CPEB1: variants seen among roughly 807,000 people sequenced by gnomAD.
CPEB1 encodes cytoplasmic polyadenylation element-binding protein 1.
CPEB1 carries 7 observed loss-of-function variants against 65.8 expected under a neutral mutation model. That is an observed-to-expected ratio of 0.11 (90% CI 0.06 to 0.20). CPEB1 has a LOEUF of 0.20. Ranked by LOEUF, CPEB1 falls within the 10% of genes least tolerant of loss-of-function variation. CPEB1 has a pLI of 1.00. For missense variants in CPEB1, 551 were observed against 712.2 expected, an observed-to-expected ratio of 0.77 and a Z score of 2.58; for synonymous variants, 262 against 260.0, an observed-to-expected ratio of 1.01 and a Z score of -0.08.
At chr15:82,603,725 A>T (rs1374962365) in intron 3 of CPEB1, among the ~76,000 whole-genome samples, 1 of 152,184 alleles carries the variant, frequency 6.6e-6, no homozygotes, top group African/African-American at 2.4e-5. Flanking sequence ...GTTTCTGTCC[A>T]TCATTAGCCG....
chr15:82,617,232 C>T (rs1235677454), intron 3 of CPEB1, among the ~76,000 whole-genome samples: 3 of 152,210 alleles, frequency 2.0e-5, no homozygotes, highest in African/African-American at 7.2e-5. Context: ...GTTGTAGTAG[C>T]AACAATAGTT....
chr15:82,644,844 C>A (rs1483031196), intron 1 of CPEB1, among the ~76,000 whole-genome samples: 1 of 152,206 alleles, frequency 6.6e-6, no homozygotes, highest in Non-Finnish European at 1.5e-5. Flanking sequence ...ATTAAGGCAG[C>A]TATTATCATT....
intron 3 of CPEB1, among the ~76,000 whole-genome samples, chr15:82,598,066 A>G (rs2042799731): frequency 6.6e-6 from 1 of 152,252 alleles, no homozygotes; most frequent in Non-Finnish European, 1.5e-5. Flanking sequence ...ATGAGACTAC[A>G]TATCCAGAAG....
intron 3 of CPEB1, among the ~76,000 whole-genome samples, chr15:82,594,479 GC>G (rs1300506278): frequency 6.6e-6 from 1 of 152,148 alleles, no homozygotes; most frequent in African/African-American, 2.4e-5. Context: ...GAGTGTTAGG[GC>G]CTTCCTCTGG....
chr15:82,627,147 A>G, intron 3 of CPEB1, 46 bp downstream of exon 3: 1 of 1,523,160 alleles, frequency 6.6e-7, no homozygotes, highest in Non-Finnish European at 9.0e-7. Flanking sequence ...TTAGAAGCAG[A>G]TCTGTACAGA....
intron 3 of CPEB1, among the ~76,000 whole-genome samples, chr15:82,604,175 TCCA>T (rs2043355613): frequency 6.6e-6 from 1 of 151,972 alleles, no homozygotes; most frequent in Non-Finnish European, 1.5e-5. Flanking sequence ...ATAGCAAGGC[TCCA>T]TTGCTACAAA....
chr15:82,605,061 G>T (rs1191770340), intron 3 of CPEB1, among the ~76,000 whole-genome samples: 1 of 152,172 alleles, frequency 6.6e-6, no homozygotes, highest in Non-Finnish European at 1.5e-5. Flanking sequence ...TTTCTTACCA[G>T]AAATTGTGGA....
At position 82,557,973 on chromosome 15, in the gene CPEB1, G is replaced by A. The variant is rs778949699; in HGVS notation, c.474C>T (p.Leu158=). 64 of 1,610,334 alleles carry A rather than the reference G, an allele frequency of 4.0e-5. No individual in the cohort carries two copies. The highest frequency in any genetic ancestry group is 4.9e-5 in the Non-Finnish European group (58 of 1,178,014). The change falls in exon 5 of 13, where the codon CTC becomes CTT. Residue 158 remains leucine, a synonymous_variant. Transcript: ENST00000684509. ...CTAGGACATTTCCCAGTGGGTTATG[G>A]AGCATGCTCAGTACTAGGAGGACAA... ...QSSTHSVLSM[L]HNPLGNVLGK... is the part of the protein sequence containing the mutation.
At position 82,627,190 on chromosome 15, in the gene CPEB1, C is replaced by A; in HGVS notation, c.271+3G>T. The A allele has an allele frequency of 6.2e-7, 1 of 1,608,874 alleles. No individual in the cohort carries two copies. The highest frequency in any genetic ancestry group is 1.1e-5 in the South Asian group (1 of 89,848). ...CACGTTCAAGTTTTCAAACCTAAAT[C>A]ACCTGGCAAATGATCATGAATTCCT... On this transcript the variant is annotated splice_donor_region_variant and intron_variant, in intron 3 of 12. Transcript: ENST00000684509.
intron 9 of CPEB1, among the ~76,000 whole-genome samples, chr15:82,551,623 C>T (rs1324259947): frequency 6.6e-6 from 1 of 152,014 alleles, no homozygotes. Context: ...ATTTTAGTTT[C>T]CCATCTTATA....
chr15:82,646,785 G>C (rs1006414923), intron 1 of CPEB1, among the ~76,000 whole-genome samples: 2 of 152,122 alleles, frequency 1.3e-5, no homozygotes, highest in Non-Finnish European at 2.9e-5. Context: ...AAAAAGCCTC[G>C]GGGAATGACG....
chr15:82,644,058 C>T (rs1316766834), intron 1 of CPEB1, among the ~76,000 whole-genome samples: 1 of 152,196 alleles, frequency 6.6e-6, no homozygotes, highest in Non-Finnish European at 1.5e-5. Context: ...GTCACCCCCA[C>T]AGTGGGAGGA....
intron 3 of CPEB1, among the ~76,000 whole-genome samples, chr15:82,620,060 A>G (rs2045149512): frequency 6.6e-6 from 1 of 152,238 alleles, no homozygotes; most frequent in Non-Finnish European, 1.5e-5. Flanking sequence ...CTGTAAAGCA[A>G]CAGGAATCAA....
chr15:82,603,397 C>T (rs1041057629), intron 3 of CPEB1, among the ~76,000 whole-genome samples: 16 of 151,808 alleles, frequency 1.1e-4, no homozygotes, highest in Non-Finnish European at 1.5e-4. Flanking sequence ...ATTAAATATC[C>T]CAGGTGCCTG....
At chr15:82,587,539 T>G (rs937378965) in intron 3 of CPEB1, among the ~76,000 whole-genome samples, 1 of 152,164 alleles carries the variant, frequency 6.6e-6, no homozygotes, top group Non-Finnish European at 1.5e-5. Context: ...GACAGCTGCA[T>G]GAAGATATTC....
intron 5 of CPEB1, 89 bp from the exon 6 acceptor site, chr15:82,556,211 A>G (rs2037171476): frequency 1.0e-5 from 14 of 1,358,958 alleles, no homozygotes; most frequent in East Asian, 2.7e-5. Context: ...AAAACATCCA[A>G]TAGACATTTA....
rs1485440143 is a variant in CPEB1 at position 82,627,232 on chromosome 15, T to C, written c.232A>G (p.Thr78Ala). Reference sequence around the variant, plus strand: ...TGAATTCCTCGGTTTATAGGTGTAGTGCAGACTCTACTGAAATCCAGAGAA... The same window carrying C: ...TGAATTCCTCGGTTTATAGGTGTAGCGCAGACTCTACTGAAATCCAGAGAA... ...DNSLDFSRVC[T>A]TPINRGIHDH... Residue 78 changes from threonine (T) to alanine (A), a missense_variant, in exon 3 of 13, where the codon ACT (threonine) becomes GCT (alanine). Around this residue, in one of 6 missense-constraint regions of CPEB1, gnomAD observed 223 missense variants for 228.6 expected, o/e 0.98. Coordinates refer to ENST00000684509, the MANE Select transcript of CPEB1 (RefSeq NM_001365242.1). The C allele has an allele frequency of 6.2e-7, 1 of 1,613,568 alleles. No homozygotes were observed. Among genetic ancestry groups the C allele is most frequent in the East Asian group, 2.2e-5 (1 of 44,872 alleles).
In CPEB1 at chr15:82,634,565, G is replaced by T. The variant is rs562190788; in HGVS notation, c.-97-6009C>A. ...ATCATGTACAATGGATTAATAGCCA[G>T]TTGAGAAATTTATAGAAGACTGTTT... On this transcript the variant is annotated intron_variant, in intron 1 of 12. Transcript: ENST00000684509. 1.6e-3 allele frequency among the ~76,000 whole-genome samples: 245 copies of T among 152,292 alleles called. 1 individual carries two copies. Among genetic ancestry groups the T allele is most frequent in the African/African-American group, 5.7e-3 (235 of 41,542 alleles).
At chr15:82,598,263 G>A (rs575631615) in intron 3 of CPEB1, among the ~76,000 whole-genome samples, 1 of 151,820 alleles carries the variant, frequency 6.6e-6, no homozygotes, top group African/African-American at 2.4e-5. Flanking sequence ...ATCACCTGAG[G>A]TGGGTGGATC....
Sources: gnomAD v4.1 joint callset for allele counts (sites outside exome capture counted in the v4.1 genomes callset) on GRCh38, gnomAD v4.1.1 for gene constraint, gnomAD v4.1.1 regional missense constraint, MANE v1.5 for transcripts, NCBI Gene and HGNC (gene_info 2026-07-23, HGNC 2026-07-21) for gene names.